The following ANO8 variants were observed in gnomAD, a reference collection of about 807,000 sequenced individuals.
ANO8 encodes the protein anoctamin 8.
ANO8 carries 67 observed loss-of-function variants against 120.4 expected under a neutral mutation model. That is an observed-to-expected ratio of 0.56 (90% CI 0.46 to 0.68). The LOEUF (loss-of-function observed/expected upper bound fraction) is 0.68, where lower values mean the gene tolerates loss of function less well. ANO8 is among the 30% of genes least tolerant of loss of function. The probability of loss-of-function intolerance (pLI) is 0.00; values close to 1 mark genes in which losing one functional copy is unlikely to be tolerated. For missense variants in ANO8, 1,526 were observed against 1,737.6 expected (o/e 0.88, Z 2.16); for synonymous variants, 727 against 759.2 (o/e 0.96, Z 0.70).
At chr19:17,323,989 G>A (rs1345566623) in intron 17 of ANO8, 105 bp from the exon 18 acceptor site, 1 of 1,024,724 alleles carries the variant, frequency 9.8e-7, no homozygotes, top group African/African-American at 1.7e-5. Context: ...GGCACATAAA[G>A]GCCTTATTGC....
Position 17,329,662 on chromosome 19 carries a change from G to A in ANO8, c.1404+95C>T. 2 of 883,758 alleles carry A rather than the reference G, an allele frequency of 2.3e-6. 1 individual carries two copies. Among genetic ancestry groups the A allele is most frequent in the South Asian group, 3.0e-5 (2 of 66,514 alleles). 54.7% of individuals were successfully genotyped at this position (883,758 alleles called of 1,614,324 possible). ...AGAGAAGGATGGAGGAGGGGAGGGA[G>A]GGGCTGGAGAGCCCTTGGACCCCTT... is the stretch of plus-strand genomic sequence containing the variant. On this transcript the variant is annotated intron_variant, in intron 12 of 17. Transcript: ENST00000159087.
At position 17,323,329 on chromosome 19, in the gene ANO8, G is replaced by GTGTGTGTT; in HGVS notation, c.*187_*188insAACACACA. On this transcript the variant is annotated 3_prime_UTR_variant, in exon 18 of 18. Transcript: ENST00000159087. ...GCCTGTTCTGTGTGTGTGTGTGTGT[G>GTGTGTGTT]TGTGTGTGTGTGTGTTTTCTGTTGG... is the stretch of plus-strand genomic sequence containing the variant. The GTGTGTGTT allele has an allele frequency of 2.6e-6, 1 of 383,608 alleles. No individual in the cohort carries two copies. 23.8% of individuals were successfully genotyped at this position (383,608 alleles called of 1,614,324 possible).
rs981866532 is a variant in ANO8 at position 17,333,955 on chromosome 19, A to G, written c.107-155T>C. 8.6e-5 allele frequency among the ~76,000 whole-genome samples: 13 copies of G among 151,822 alleles called. No homozygotes were observed. Among genetic ancestry groups the G allele is most frequent in the Non-Finnish European group, 1.8e-4 (12 of 67,950 alleles). On this transcript the variant is annotated intron_variant, in intron 1 of 17. Transcript: ENST00000159087. The surrounding 1 kb of genome is among the most constrained non-coding windows in gnomAD (Gnocchi z 7.2). ...GGGCTTGGCTTATTTTCCTCCCTCCACGTCCTTGTACCAGCCAGGCCTTCC... is the reference window on the plus strand; with the variant it reads ...GGGCTTGGCTTATTTTCCTCCCTCCGCGTCCTTGTACCAGCCAGGCCTTCC...
intron 13 of ANO8, 37 bp downstream of exon 13, chr19:17,328,125 A>AGGCCCCGCCCCCTGCGC: frequency 6.7e-7 from 1 of 1,489,076 alleles, no homozygotes; most frequent in Non-Finnish European, 9.0e-7. Context: ...GTCCCCGGCG[A>AGGCCCCGCCCCCTGCGC]GGCCCCGCCC....
chr19:17,327,038 G>A (rs1436585504), intron 16 of ANO8, among the ~76,000 whole-genome samples, 197 bp downstream of exon 16: 1 of 152,192 alleles, frequency 6.6e-6, no homozygotes, highest in African/African-American at 2.4e-5. Context: ...GGGCTCAAGC[G>A]ATCCTCCCAC....
rs767603533 is a variant in ANO8, at chr19:17,325,210, G to T, written c.2838C>A (p.Ala946=). ...CAGTGCTGCCCTTGGCCTTGGCAGA[G>T]GCCTTCTCGGAGGAGGTGGCAGGGT... ...GLDPATSSEK[A]SAKAKGSTAG... is the part of the protein sequence containing the mutation. The change falls in exon 17 of 18, where the codon GCC becomes GCA. Residue 946 remains alanine (A), a synonymous_variant. Transcript: ENST00000159087. 12 of 1,612,372 alleles carry T rather than the reference G, an allele frequency of 7.4e-6. No homozygotes were observed. The highest frequency in any genetic ancestry group is 1.0e-5 in the Non-Finnish European group (12 of 1,179,792).
At chr19:17,324,371 C>A (rs968676130) in intron 17 of ANO8, among the ~76,000 whole-genome samples, 1 of 152,134 alleles carries the variant, frequency 6.6e-6, no homozygotes, top group East Asian at 1.9e-4. Context: ...AAGTCCCCCC[C>A]AAGAGTGAGC....
chr19:17,327,179 G>T, intron 16 of ANO8, 56 bp downstream of exon 16: 1 of 1,413,472 alleles, frequency 7.1e-7, no homozygotes, highest in South Asian at 1.3e-5. Flanking sequence ...ACCAAGATCA[G>T]AGATCCACCA....
chr19:17,329,389 G>A (rs2074300344), intron 12 of ANO8: 1 of 361,016 alleles, frequency 2.8e-6, no homozygotes, highest in African/African-American at 2.1e-5. Context: ...GAGGACCCAC[G>A]GGCTCGCCAC....
At position 17,334,806 on chromosome 19, in the gene ANO8, C is replaced by T. The variant is rs1182115508; in HGVS notation, c.-136G>A. ...GCCCGCCCGCGCCGGCCTCGGTCCT[C>T]GCTCGCCCGAGCGCTGCTTCTCGTC... is the stretch of plus-strand genomic sequence containing the variant. On this transcript the variant is annotated 5_prime_UTR_variant, in exon 1 of 18. Transcript: ENST00000159087. The T allele has an allele frequency of 2.0e-5, 24 of 1,210,526 alleles. No individual in the cohort carries two copies. Among genetic ancestry groups the T allele is most frequent in the Non-Finnish European group, 2.5e-5 (23 of 905,868 alleles). The allele number at this position is 1,210,526 out of a possible 1,614,324, so 75.0% of individuals were successfully genotyped here. A position where few individuals can be genotyped will look rare whatever the true frequency, so the allele number is the denominator to read the frequency against.
intron 11 of ANO8, 29 bp downstream of exon 11, chr19:17,329,930 C>T (rs1374118621): frequency 3.7e-6 from 6 of 1,613,946 alleles, no homozygotes; most frequent in Non-Finnish European, 4.2e-6. Context: ...CCCCGTTGTC[C>T]CCCTGCCTGT....
At chr19:17,331,557 A>G (rs993140014) in intron 5 of ANO8, 146 bp from the exon 6 acceptor site, 2 of 682,504 alleles carry the variant, frequency 2.9e-6, no homozygotes, top group Admixed American at 2.4e-5. Context: ...CTAGACGGAT[A>G]GAAGATCTGA....
At chr19:17,327,933 C>A in intron 13 of ANO8, 53 bp from the exon 14 acceptor site, 1 of 1,582,852 alleles carries the variant, frequency 6.3e-7, no homozygotes, top group South Asian at 1.2e-5. Context: ...GACAATCTTT[C>A]TCCCATTGAG....
At chr19:17,326,519 C>A (rs946456579) in intron 16 of ANO8, among the ~76,000 whole-genome samples, 7 of 151,848 alleles carry the variant, frequency 4.6e-5, no homozygotes, top group African/African-American at 1.7e-4. Flanking sequence ...AAAGAAAAAA[C>A]AAAAACAAAA....
rs1254265368 is a variant in ANO8, at chr19:17,323,325, G to C, written c.*192C>G. The stretch of plus-strand genomic sequence containing the variant: ...AATCGCCTGTTCTGTGTGTGTGTGT[G>C]TGTGTGTGTGTGTGTGTGTTTTCTG... On this transcript the variant is annotated 3_prime_UTR_variant, in exon 18 of 18. Coordinates refer to ENST00000159087, the MANE Select transcript of ANO8 (RefSeq NM_020959.3). 2 of 359,198 alleles carry C rather than the reference G, an allele frequency of 5.6e-6. No homozygotes were observed. Among genetic ancestry groups the C allele is most frequent in the Admixed American group, 9.2e-5 (2 of 21,758 alleles). 22.3% of individuals were successfully genotyped at this position (359,198 alleles called of 1,614,324 possible).
chr19:17,327,760 C>T lies in ANO8; in HGVS notation c.2347G>A (p.Asp783Asn), dbSNP rs149426492. 898 of 1,614,122 alleles carry T rather than the reference C, an allele frequency of 5.6e-4. 1 individual carries two copies. Among genetic ancestry groups the T allele is most frequent in the Non-Finnish European group, 7.2e-4 (848 of 1,180,012 alleles). The change falls in exon 14 of 18, where the codon GAC (aspartate) becomes AAC (asparagine). Residue 783 changes from aspartate (D) to asparagine (N), a missense_variant. Asp to Asn is a conservative substitution (Grantham distance 23). Coordinates refer to ENST00000159087, the MANE Select transcript of ANO8 (RefSeq NM_020959.3). ...LVNNLIEIRS[D>N]AFKLCTGLQR... ...AGCCCGGTGCACAGCTTGAAGGCGT[C>T]GCTGCGGATCTCAATGAGGTTGTTG...
rs2074250181 is a variant in ANO8 at position 17,323,329 on chromosome 19, G to GTGTA, written c.*187_*188insTACA. 2.6e-6 allele frequency: 1 copy of GTGTA among 383,608 alleles called. No individual in the cohort carries two copies. Among genetic ancestry groups the GTGTA allele is most frequent in the Non-Finnish European group, 4.6e-6 (1 of 216,706 alleles). 23.8% of individuals were successfully genotyped at this position (383,608 alleles called of 1,614,324 possible). On this transcript the variant is annotated 3_prime_UTR_variant, in exon 18 of 18. Transcript: ENST00000159087. ...GCCTGTTCTGTGTGTGTGTGTGTGT[G>GTGTA]TGTGTGTGTGTGTGTTTTCTGTTGG...
Position 17,328,961 on chromosome 19 carries a change from G to C in ANO8, c.1427C>G (p.Thr476Ser). ...LKEMLATLLI[T>S]RQFLQNVREV... ...GCGCACGTTCTGGAGGAACTGGCGG[G>C]TGATCAGCAGCGTGGCCAGCATCTG... The change falls in exon 13 of 18, where the codon ACC becomes AGC. Residue 476 changes from threonine (T) to serine (S), a missense_variant. By Grantham distance (58) the Thr-to-Ser change is moderately conservative (BLOSUM62 1). Transcript: ENST00000159087. 1 of 1,505,038 alleles carries C rather than the reference G, an allele frequency of 6.6e-7. No homozygotes were observed. The highest frequency in any genetic ancestry group is 1.2e-5 in the South Asian group (1 of 80,700). 93.2% of individuals were successfully genotyped at this position (1,505,038 alleles called of 1,614,324 possible). A position where few individuals can be genotyped will look rare whatever the true frequency, so the allele number is the denominator to read the frequency against.
At position 17,327,790 on chromosome 19, in the gene ANO8, G is replaced by A; in HGVS notation, c.2317C>T (p.Leu773=). 6.2e-7 allele frequency: 1 copy of A among 1,614,228 alleles called. No homozygotes were observed. The highest frequency in any genetic ancestry group is 8.5e-7 in the Non-Finnish European group (1 of 1,180,026). Residue 773 remains leucine (L), a synonymous_variant, in exon 14 of 18, where the codon CTG becomes TTG. Coordinates refer to ENST00000159087, the MANE Select transcript of ANO8 (RefSeq NM_020959.3). ...SAFPLAALCA[L]VNNLIEIRSD... ...CGGATCTCAATGAGGTTGTTGACCA[G>A]GGCGCACAGCGCCGCCAGGGGGAAG...
Sources: allele counts gnomAD v4.1 joint callset (sites outside exome capture counted in the v4.1 genomes callset), GRCh38; gene constraint gnomAD v4.1.1; non-coding constraint Gnocchi (gnomAD v3.1); transcripts MANE v1.5; gene names NCBI Gene and HGNC (gene_info 2026-07-23, HGNC 2026-07-21).